TAPT1: variants seen among roughly 807,000 people sequenced by gnomAD.
TAPT1 encodes transmembrane anterior posterior transformation 1, also known as transmembrane anterior posterior transformation protein 1 homolog.
A neutral mutation model predicts 65.6 loss-of-function variants in TAPT1; 28 were observed. The ratio of observed to expected loss-of-function variants is 0.43; its 90% CI spans 0.32 to 0.59. The LOEUF (loss-of-function observed/expected upper bound fraction) is 0.59, where lower values mean the gene tolerates loss of function less well. Ranked by LOEUF, TAPT1 falls within the 20% of genes least tolerant of loss-of-function variation. The probability of loss-of-function intolerance (pLI) is 0.09; values close to 1 mark genes in which losing one functional copy is unlikely to be tolerated. For missense variants in TAPT1, 563 were observed against 679.9 expected (o/e 0.83, Z 1.91); for synonymous variants, 278 against 245.2 (o/e 1.13, Z -1.25).
chr4:16,212,372 T>C (rs1459477850), intron 2 of TAPT1, among the ~76,000 whole-genome samples: 2 of 152,212 alleles, frequency 1.3e-5, no homozygotes, highest in Non-Finnish European at 2.9e-5. Context: ...CACTGTGTCC[T>C]CACACTTCCA....
intron 12 of TAPT1, among the ~76,000 whole-genome samples, 169 bp downstream of exon 12, chr4:16,170,484 C>T (rs942619592): frequency 6.6e-6 from 1 of 152,184 alleles, no homozygotes; most frequent in Non-Finnish European, 1.5e-5. Context: ...CAAATAGCAG[C>T]GTAGTTAATC....
At chr4:16,226,222 C>G (rs1282177003) in intron 1 of TAPT1, 37 bp downstream of exon 1, 1 of 1,103,274 alleles carries the variant, frequency 9.1e-7, no homozygotes. Context: ...CAGTCCGCCC[C>G]TCGGAGCCCG....
In TAPT1 at chr4:16,174,738, A is replaced by G; in HGVS notation, c.1108-9T>C. 1 of 1,554,758 alleles carries G rather than the reference A, an allele frequency of 6.4e-7. No individual in the cohort carries two copies. The highest frequency in any genetic ancestry group is 8.7e-7 in the Non-Finnish European group (1 of 1,149,884). ...CTATATTCACTGTAGACCTAAAAAC[A>G]AACAAGAATGAAATATCAAGTAATA... On this transcript the variant is annotated splice_polypyrimidine_tract_variant and intron_variant, in intron 9 of 13. Transcript: ENST00000405303.
In TAPT1 at chr4:16,226,409, C is replaced by T; in HGVS notation, c.49G>A (p.Gly17Ser). 3 of 1,089,910 alleles carry T rather than the reference C, an allele frequency of 2.8e-6. No homozygotes were observed. The highest frequency in any genetic ancestry group is 3.3e-6 in the Non-Finnish European group (3 of 898,288). 67.5% of individuals were successfully genotyped at this position (1,089,910 alleles called of 1,614,324 possible). ...AAAPGEGGGG[G>S]VDGPQRDGRG... ...CCGTCCCGCTGCGGGCCGTCCACGC[C>T]GCCACCGCCGCCTTCTCCCGGAGCG... The change falls in exon 1 of 14, where the codon GGC (glycine) becomes AGC (serine). Residue 17 changes from glycine to serine, a missense_variant. Gly to Ser is a moderately conservative substitution (Grantham distance 56). Coordinates refer to ENST00000405303, the MANE Select transcript of TAPT1 (RefSeq NM_153365.3).
chr4:16,188,485 G>A (rs950785793), intron 4 of TAPT1, 130 bp from the exon 5 acceptor site: 68 of 653,246 alleles, frequency 1.0e-4, no homozygotes, highest in Non-Finnish European at 1.6e-4. Flanking sequence ...AAAGAGGAGT[G>A]AGGATCTTTG....
intron 1 of TAPT1, chr4:16,226,048 C>T (rs1291439414): frequency 2.0e-6 from 2 of 1,011,330 alleles, no homozygotes; most frequent in Non-Finnish European, 2.4e-6. Context: ...CCGCGGGGGC[C>T]TCGGGGCTGC....
chr4:16,202,861 G>C (rs905101561), intron 2 of TAPT1, among the ~76,000 whole-genome samples: 6 of 152,030 alleles, frequency 3.9e-5, no homozygotes, highest in Non-Finnish European at 8.8e-5. Context: ...ACTTCCTCAA[G>C]CTCTAGATAT....
At chr4:16,214,041 A>T (rs1244479702) in intron 1 of TAPT1, 143 bp from the exon 2 acceptor site, 6 of 573,238 alleles carry the variant, frequency 1.0e-5, no homozygotes, top group Admixed American at 4.2e-5. Context: ...AGAACTGCAC[A>T]CAATGATCAG....
chr4:16,200,023 C>A (rs943478181), intron 3 of TAPT1, among the ~76,000 whole-genome samples: 2 of 152,166 alleles, frequency 1.3e-5, no homozygotes, highest in African/African-American at 4.8e-5. Flanking sequence ...AAACAACTGT[C>A]CCCGAAGAGA....
Position 16,176,111 on chromosome 4 carries a change from A to C in TAPT1, c.1107+8T>G. 7.2e-7 allele frequency: 1 copy of C among 1,383,738 alleles called. No homozygotes were observed. The highest frequency in any genetic ancestry group is 9.9e-7 in the Non-Finnish European group (1 of 1,014,180). 85.7% of individuals were successfully genotyped at this position (1,383,738 alleles called of 1,614,324 possible). Reference sequence around the variant, plus strand: ...TTTAAACATTGAAGTGCATATCAAAATACATACATCTGCAGTAATGTCATT... The same window carrying C: ...TTTAAACATTGAAGTGCATATCAAACTACATACATCTGCAGTAATGTCATT... On this transcript the variant is annotated splice_region_variant and intron_variant, in intron 9 of 13. Transcript: ENST00000405303.
chr4:16,174,134 TA>T (rs1230243170), intron 11 of TAPT1, 69 bp downstream of exon 11: 1 of 1,191,180 alleles, frequency 8.4e-7, no homozygotes, highest in African/African-American at 1.6e-5. Flanking sequence ...ATCATATTAA[TA>T]ATCCATTTAT....
chr4:16,210,088 G>A (rs1352836207), intron 2 of TAPT1, among the ~76,000 whole-genome samples: 1 of 152,192 alleles, frequency 6.6e-6, no homozygotes, highest in Non-Finnish European at 1.5e-5. Context: ...AAATGTCAGG[G>A]TGTGTTATCA....
chr4:16,178,264 T>C (rs1263580843), intron 8 of TAPT1, among the ~76,000 whole-genome samples: 1 of 152,230 alleles, frequency 6.6e-6, no homozygotes, highest in Non-Finnish European at 1.5e-5. Context: ...CTCGAGCTGC[T>C]GTGAGATGTC....
intron 4 of TAPT1, 35 bp downstream of exon 4, chr4:16,191,326 T>G (rs1338031522): frequency 6.4e-7 from 1 of 1,564,474 alleles, no homozygotes; most frequent in East Asian, 2.3e-5. Context: ...CTGAGTGCCC[T>G]GGCCAGGCCT....
chr4:16,209,808 G>A (rs1187194184), intron 2 of TAPT1, among the ~76,000 whole-genome samples: 1 of 152,202 alleles, frequency 6.6e-6, no homozygotes, highest in Non-Finnish European at 1.5e-5. Flanking sequence ...CATGTAAAAT[G>A]CCTAGGACAG....
intron 1 of TAPT1, among the ~76,000 whole-genome samples, chr4:16,220,657 G>A (rs1751203030): frequency 6.6e-6 from 1 of 151,690 alleles, no homozygotes; most frequent in Admixed American, 6.6e-5. Context: ...GCTGAAGTAG[G>A]AGAATTGCTT....
At chr4:16,170,163 G>A (rs942676889) in intron 12 of TAPT1, among the ~76,000 whole-genome samples, 2 of 152,094 alleles carry the variant, frequency 1.3e-5, no homozygotes, top group Non-Finnish European at 2.9e-5. Context: ...TTTACTGTAT[G>A]TCTCCCCCAA....
At chr4:16,214,218 G>A (rs1177957127) in intron 1 of TAPT1, among the ~76,000 whole-genome samples, 1 of 152,286 alleles carries the variant, frequency 6.6e-6, no homozygotes, top group South Asian at 2.1e-4. Context: ...AGACATGGAA[G>A]GAAAATCAGT....
intron 13 of TAPT1, among the ~76,000 whole-genome samples, chr4:16,163,773 C>G (rs937684490): frequency 2.6e-5 from 4 of 152,206 alleles, no homozygotes; most frequent in African/African-American, 9.7e-5. Context: ...TCGTATCACA[C>G]AAACAATGCC....
Sources: allele counts gnomAD v4.1 joint callset (sites outside exome capture counted in the v4.1 genomes callset), GRCh38; gene constraint gnomAD v4.1.1; transcripts MANE v1.5; gene names NCBI Gene and HGNC (gene_info 2026-07-23, HGNC 2026-07-21).